The following CCDC148 variants were observed in gnomAD, a reference collection of about 807,000 sequenced individuals.
The protein encoded by CCDC148 is coiled-coil domain-containing protein 148.
A neutral mutation model predicts 85.7 loss-of-function variants in CCDC148; 89 were observed. The observed-to-expected ratio is 1.04, with a 90% CI of 0.87 to 1.24. The LOEUF (loss-of-function observed/expected upper bound fraction) is 1.24. CCDC148 is among the 50% of genes most tolerant of loss of function. The probability of loss-of-function intolerance (pLI) is 0.00; values close to 1 mark genes in which losing one functional copy is unlikely to be tolerated. For missense variants in CCDC148, 692 were observed against 671.7 expected (o/e 1.03, Z -0.33); for synonymous variants, 230 against 213.9 (o/e 1.08, Z -0.66).
chr2:158,218,180 T>G (rs763156084), intron 11 of CCDC148, among the ~76,000 whole-genome samples: 5 of 152,228 alleles, frequency 3.3e-5, no homozygotes, highest in Non-Finnish European at 7.3e-5. Flanking sequence ...TATCTGAATC[T>G]ACAGCATTTT....
chr2:158,410,288 C>T (rs1686203487), intron 1 of CCDC148, among the ~76,000 whole-genome samples: 1 of 152,126 alleles, frequency 6.6e-6, no homozygotes, highest in Non-Finnish European at 1.5e-5. Context: ...ATTGCTAGAT[C>T]TTGTTTTTAA....
At chr2:158,189,687 T>C (rs1421549646) in intron 11 of CCDC148, among the ~76,000 whole-genome samples, 4 of 151,954 alleles carry the variant, frequency 2.6e-5, no homozygotes, top group Non-Finnish European at 4.4e-5. Flanking sequence ...GTTTGGGAAA[T>C]AATATTTACC....
intron 11 of CCDC148, among the ~76,000 whole-genome samples, chr2:158,204,395 A>T (rs1686126109): frequency 6.6e-6 from 1 of 152,100 alleles, no homozygotes; most frequent in African/African-American, 2.4e-5. Context: ...CAGAAATAAC[A>T]CTATGTGATT....
chr2:158,236,896 G>A (rs924923342), intron 10 of CCDC148, among the ~76,000 whole-genome samples: 6 of 152,124 alleles, frequency 3.9e-5, no homozygotes, highest in African/African-American at 1.4e-4. Context: ...TCTAGAAGTG[G>A]GAGTGAAGAT....
At chr2:158,227,340 A>T (rs1455560089) in intron 10 of CCDC148, among the ~76,000 whole-genome samples, 1 of 151,564 alleles carries the variant, frequency 6.6e-6, no homozygotes, top group Non-Finnish European at 1.5e-5. Context: ...TTCCATGCTC[A>T]TGGGTAGGAA....
At chr2:158,368,306 C>G (rs573234709) in intron 1 of CCDC148, among the ~76,000 whole-genome samples, 34 of 152,242 alleles carry the variant, frequency 2.2e-4, no homozygotes, top group African/African-American at 6.7e-4. Flanking sequence ...AACTATCTGG[C>G]TCCACATATT....
chr2:158,252,133 A>G (rs994299735), intron 9 of CCDC148, among the ~76,000 whole-genome samples: 1 of 151,840 alleles, frequency 6.6e-6, no homozygotes, highest in Non-Finnish European at 1.5e-5. Flanking sequence ...CACATTTCAT[A>G]TAAGCATCAT....
intron 11 of CCDC148, among the ~76,000 whole-genome samples, chr2:158,181,555 C>T (rs1684905396): frequency 6.6e-6 from 1 of 151,960 alleles, no homozygotes. Context: ...GACAGCTTTC[C>T]CAGACTTGGG....
intron 3 of CCDC148, among the ~76,000 whole-genome samples, chr2:158,343,673 C>A (rs894945005): frequency 1.3e-5 from 2 of 152,288 alleles, no homozygotes; most frequent in South Asian, 4.1e-4. Context: ...TAAAGGTTGA[C>A]AAACACTGTT....
At position 158,178,982 on chromosome 2, in the gene CCDC148, T is replaced by C; in HGVS notation, c.1385A>G (p.Gln462Arg). Reference protein sequence around the residue: ...LKDRERVKYRQELLERRLMEK... With the variant: ...LKDRERVKYRRELLERRLMEK... ...CATCAAACGCCTTTCCAATAATTCT[T>C]GTCTATATTTAACCCTTTAAAAATA... The change falls in exon 12 of 14, where the codon CAA becomes CGA. Residue 462 changes from glutamine (Q) to arginine (R), a missense_variant. Transcript: ENST00000283233. 1.2e-6 allele frequency: 2 copies of C among 1,612,328 alleles called. No individual in the cohort carries two copies. Among genetic ancestry groups the C allele is most frequent in the Non-Finnish European group, 1.7e-6 (2 of 1,178,880 alleles).
chr2:158,374,607 G>C (rs1684581273), intron 1 of CCDC148, among the ~76,000 whole-genome samples: 1 of 151,820 alleles, frequency 6.6e-6, no homozygotes, highest in Non-Finnish European at 1.5e-5. Flanking sequence ...TAGTGTCAAA[G>C]GGGACTTTAG....
chr2:158,394,953 A>G (rs2105300283), intron 1 of CCDC148, among the ~76,000 whole-genome samples: 1 of 152,246 alleles, frequency 6.6e-6, no homozygotes, highest in Non-Finnish European at 1.5e-5. Context: ...TCCCTTAGAG[A>G]GAGCTATTTT....
chr2:158,456,429 G>C lies in CCDC148; in HGVS notation c.11C>G (p.Ala4Gly). The change falls in exon 1 of 14, where the codon GCT (alanine) becomes GGT (glycine). Residue 4 changes from alanine to glycine, a missense_variant. Physicochemically the swap from Ala to Gly is moderately conservative, Grantham distance 60. Coordinates refer to ENST00000283233, the MANE Select transcript of CCDC148 (RefSeq NM_138803.4). ...TGCAAACTCACCTGGAGAAGCAGAA[G>C]CTGCACACATGTCAAAGGTCAAAGG... Reference protein sequence around the residue: MCAASASPDNLVFH... With the variant: MCAGSASPDNLVFH... 6.2e-7 allele frequency: 1 copy of C among 1,611,878 alleles called. No individual in the cohort carries two copies. The highest frequency in any genetic ancestry group is 8.5e-7 in the Non-Finnish European group (1 of 1,179,188).
intron 2 of CCDC148, among the ~76,000 whole-genome samples, chr2:158,351,259 G>C (rs369470354): frequency 6.6e-6 from 1 of 152,190 alleles, no homozygotes; most frequent in Admixed American, 6.5e-5. Context: ...GAACAGCTCC[G>C]GTCTACAGCT....
intron 7 of CCDC148, among the ~76,000 whole-genome samples, chr2:158,314,316 G>A (rs1467194067): frequency 6.6e-6 from 1 of 152,162 alleles, no homozygotes; most frequent in East Asian, 1.9e-4. Flanking sequence ...ACAGTTAAAT[G>A]AGCAATTATG....
intron 1 of CCDC148, among the ~76,000 whole-genome samples, chr2:158,372,950 A>G (rs1412113290): frequency 1.3e-5 from 2 of 152,078 alleles, no homozygotes; most frequent in African/African-American, 4.8e-5. Flanking sequence ...ATGTCCATGT[A>G]GGTCGTAATC....
intron 10 of CCDC148, among the ~76,000 whole-genome samples, chr2:158,223,489 C>A (rs1441086577): frequency 6.6e-6 from 1 of 152,210 alleles, no homozygotes; most frequent in African/African-American, 2.4e-5. Flanking sequence ...TCCCACCACA[C>A]AGCTGGAGAT....
At chr2:158,345,064 T>G in intron 3 of CCDC148, 151 bp downstream of exon 3, 1 of 542,270 alleles carries the variant, frequency 1.8e-6, no homozygotes. Context: ...GATGAGGAAA[T>G]GAAAGGATTT....
In CCDC148 at chr2:158,278,157, G is replaced by A. The variant is rs370925675; in HGVS notation, c.1111-27245C>T. 1.3e-4 allele frequency among the ~76,000 whole-genome samples: 20 copies of A among 152,150 alleles called. No individual in the cohort carries two copies. In the East Asian group the frequency reaches 1.4e-3, roughly 10 times the overall value. On this transcript the variant is annotated intron_variant, in intron 9 of 13. Coordinates refer to ENST00000283233, the MANE Select transcript of CCDC148 (RefSeq NM_138803.4). ...TAAAACCGGAGGAGCCAAGATGGCCGAATAGGAACAGCTCCAGTCTACAGC... is the reference window on the plus strand; with the variant it reads ...TAAAACCGGAGGAGCCAAGATGGCCAAATAGGAACAGCTCCAGTCTACAGC...
Sources: allele counts gnomAD v4.1 joint callset (sites outside exome capture counted in the v4.1 genomes callset), GRCh38; gene constraint gnomAD v4.1.1; transcripts MANE v1.5; gene names NCBI Gene and HGNC (gene_info 2026-07-23, HGNC 2026-07-21).